The following DDX10 variants were observed in gnomAD, a reference collection of about 807,000 sequenced individuals.
DDX10 encodes probable ATP-dependent RNA helicase DDX10.
A neutral mutation model predicts 104.3 loss-of-function variants in DDX10; 74 were observed. That is an observed-to-expected ratio of 0.71 (90% CI 0.59 to 0.86). The LOEUF is 0.86. Ranked by LOEUF, DDX10 falls within the 40% of genes least tolerant of loss-of-function variation. The probability of loss-of-function intolerance (pLI) is 0.00; values close to 1 mark genes in which losing one functional copy is unlikely to be tolerated. For synonymous variants in DDX10, 351 were observed against 353.4 expected (o/e 0.99, Z 0.08); for missense variants, 952 against 1,040.0 (o/e 0.92, Z 1.16).
chr11:108,779,830 GT>G (rs989579482), intron 13 of DDX10, among the ~76,000 whole-genome samples: 3 of 152,098 alleles, frequency 2.0e-5, no homozygotes, highest in East Asian at 3.8e-4. Context: ...TTGAGAGTCT[GT>G]TTTTTGGCTC....
intron 13 of DDX10, among the ~76,000 whole-genome samples, chr11:108,777,482 C>G (rs2094371592): frequency 6.6e-6 from 1 of 152,086 alleles, no homozygotes; most frequent in African/African-American, 2.4e-5. Context: ...GCCACTGCAT[C>G]TGGATAAGTT....
chr11:108,877,062 G>A (rs1863162886), intron 16 of DDX10, among the ~76,000 whole-genome samples: 1 of 152,126 alleles, frequency 6.6e-6, no homozygotes, highest in South Asian at 2.1e-4. Flanking sequence ...AGCTTGGCAT[G>A]TTGTCTTCAT....
In DDX10 at chr11:108,678,433, T is replaced by G. The variant is rs775268367; in HGVS notation, c.656T>G (p.Leu219Ter). 6.3e-7 allele frequency: 1 copy of G among 1,581,384 alleles called. No individual in the cohort carries two copies. Among genetic ancestry groups the G allele is most frequent in the Non-Finnish European group, 8.6e-7 (1 of 1,167,946 alleles). Reference protein sequence around the residue: ...VSFHATDLQMLVLDEADRILD... With the variant: ...VSFHATDLQM ...TTTCATGCTACCGACCTCCAAATGTTAGGTGAGTCAAATCAATTTCTAATT... is the reference window on the plus strand; with the variant it reads ...TTTCATGCTACCGACCTCCAAATGTGAGGTGAGTCAAATCAATTTCTAATT... The change falls in exon 5 of 18, where the codon TTA becomes TGA. Residue 219 changes from leucine to a stop codon, truncating the protein, a stop_gained and splice_region_variant. Transcript: ENST00000322536. LOFTEE classifies it high-confidence loss of function.
At chr11:108,784,841 A>G (rs986814653) in intron 13 of DDX10, among the ~76,000 whole-genome samples, 2 of 152,162 alleles carry the variant, frequency 1.3e-5, no homozygotes, top group Non-Finnish European at 2.9e-5. Flanking sequence ...CATTTAAATC[A>G]GTAATCCATC....
At chr11:108,741,763 C>A (rs1440360240) in intron 13 of DDX10, among the ~76,000 whole-genome samples, 1 of 152,134 alleles carries the variant, frequency 6.6e-6, no homozygotes, top group East Asian at 1.9e-4. Context: ...AGTTTGACTT[C>A]CTGTCTTCCT....
At chr11:108,939,158 T>C (rs1864072640) in intron 17 of DDX10, among the ~76,000 whole-genome samples, 1 of 152,204 alleles carries the variant, frequency 6.6e-6, no homozygotes, top group Non-Finnish European at 1.5e-5. Flanking sequence ...AACTGAGGGT[T>C]AGAAGTGTTA....
chr11:108,855,741 G>T (rs549894083), intron 16 of DDX10, among the ~76,000 whole-genome samples: 1 of 152,324 alleles, frequency 6.6e-6, no homozygotes, highest in East Asian at 1.9e-4. Context: ...TTATGGATGT[G>T]AGCCACTGCA....
chr11:108,743,583 A>T (rs1411584987), intron 13 of DDX10, among the ~76,000 whole-genome samples: 1 of 152,228 alleles, frequency 6.6e-6, no homozygotes, highest in Non-Finnish European at 1.5e-5. Context: ...ATTTTATTTT[A>T]GAGTGAGTTC....
chr11:108,750,534 C>A (rs2094337186), intron 13 of DDX10, among the ~76,000 whole-genome samples: 1 of 152,054 alleles, frequency 6.6e-6, no homozygotes, highest in Non-Finnish European at 1.5e-5. Context: ...TGTCACAGAC[C>A]CCCTTCAGCA....
chr11:108,924,500 A>C (rs1423744670), intron 17 of DDX10, among the ~76,000 whole-genome samples: 3 of 152,226 alleles, frequency 2.0e-5, no homozygotes, highest in Non-Finnish European at 4.4e-5. Context: ...CACATCTCTG[A>C]ATCAAAAGAC....
At chr11:108,782,270 A>G (rs994414762) in intron 13 of DDX10, among the ~76,000 whole-genome samples, 2 of 152,186 alleles carry the variant, frequency 1.3e-5, no homozygotes, top group African/African-American at 4.8e-5. Flanking sequence ...GAATTTGGAA[A>G]TGGAGGACCC....
chr11:108,860,365 C>T (rs1165376940), intron 16 of DDX10, among the ~76,000 whole-genome samples: 1 of 152,052 alleles, frequency 6.6e-6, no homozygotes. Context: ...GTAGAATTAT[C>T]ATCTTGTAAA....
At chr11:108,711,219 C>A (rs1049504917) in intron 10 of DDX10, among the ~76,000 whole-genome samples, 4 of 152,184 alleles carry the variant, frequency 2.6e-5, no homozygotes, top group Non-Finnish European at 5.9e-5. Flanking sequence ...AAGTTATTTT[C>A]ATTTTTATTT....
intron 16 of DDX10, among the ~76,000 whole-genome samples, chr11:108,860,213 GT>G (rs1862922532): frequency 6.6e-6 from 1 of 152,118 alleles, no homozygotes; most frequent in South Asian, 2.1e-4. Context: ...CAGTGAATAA[GT>G]TATCTATACC....
chr11:108,849,354 A>C (rs1243050521), intron 15 of DDX10, among the ~76,000 whole-genome samples: 1 of 152,116 alleles, frequency 6.6e-6, no homozygotes, highest in African/African-American at 2.4e-5. Flanking sequence ...AATCACGCAA[A>C]GGAATATACT....
intron 13 of DDX10, among the ~76,000 whole-genome samples, chr11:108,832,819 A>G (rs1192778044): frequency 1.3e-5 from 2 of 152,210 alleles, no homozygotes; most frequent in Non-Finnish European, 2.9e-5. Context: ...ATAAAAGCAC[A>G]TGTGTATGAA....
At chr11:108,800,461 A>AAAAAAAAAAC (rs1404348425) in intron 13 of DDX10, among the ~76,000 whole-genome samples, 1 of 147,978 alleles carries the variant, frequency 6.8e-6, no homozygotes, top group East Asian at 2.0e-4. Flanking sequence ...AAAAAAAAAA[A>AAAAAAAAAAC]AGAACATCTT....
At chr11:108,763,492 G>A (rs2094353118) in intron 13 of DDX10, among the ~76,000 whole-genome samples, 1 of 152,038 alleles carries the variant, frequency 6.6e-6, no homozygotes. Flanking sequence ...GAGATGTGGG[G>A]GGATACTTAA....
intron 13 of DDX10, among the ~76,000 whole-genome samples, chr11:108,819,018 G>A (rs1019615563): frequency 1.3e-5 from 2 of 152,174 alleles, no homozygotes; most frequent in African/African-American, 2.4e-5. Flanking sequence ...TGGCTTGGCA[G>A]TATGGTGCAA....
Sources: gnomAD v4.1 joint callset for allele counts (sites outside exome capture counted in the v4.1 genomes callset) on GRCh38, gnomAD v4.1.1 for gene constraint, MANE v1.5 for transcripts, NCBI Gene and HGNC (gene_info 2026-07-23, HGNC 2026-07-21) for gene names.